The following DMXL2 variants were observed in gnomAD, a reference collection of about 807,000 sequenced individuals.
DMXL2 encodes the protein Dmx like 2, also known as dmX-like protein 2.
A neutral mutation model predicts 331.1 loss-of-function variants in DMXL2; 103 were observed. The observed-to-expected ratio is 0.31, with a 90% CI of 0.27 to 0.37. The LOEUF is 0.37. Ranked by LOEUF, DMXL2 falls within the 10% of genes least tolerant of loss-of-function variation. The probability of loss-of-function intolerance (pLI) is 1.00; values close to 1 mark genes in which losing one functional copy is unlikely to be tolerated. For missense variants in DMXL2, 3,171 were observed against 3,642.9 expected (o/e 0.87, Z 3.33); for synonymous variants, 1,281 against 1,252.1 (o/e 1.02, Z -0.49).
intron 1 of DMXL2, among the ~76,000 whole-genome samples, chr15:51,606,714 A>T (rs2053612581): frequency 1.3e-5 from 2 of 152,234 alleles, no homozygotes; most frequent in African/African-American, 4.8e-5. Context: ...TCTATCACAC[A>T]AGGAAAAAAG....
At chr15:51,606,788 T>G (rs1174967105) in intron 1 of DMXL2, among the ~76,000 whole-genome samples, 1 of 152,116 alleles carries the variant, frequency 6.6e-6, no homozygotes, top group African/African-American at 2.4e-5. Flanking sequence ...TAACAGCAAA[T>G]TAGACATGGC....
chr15:51,503,043 T>C lies in DMXL2; in HGVS notation c.2765-10A>G, dbSNP rs1388876513. 1.3e-6 allele frequency: 2 copies of C among 1,556,308 alleles called. No homozygotes were observed. Among genetic ancestry groups the C allele is most frequent in the South Asian group, 1.2e-5 (1 of 86,678 alleles). ...CCTTCTGAAGCTTTAGCTTTAAAAATAAATTATAAAATTACAAAATGTATG... is the reference window on the plus strand; with the variant it reads ...CCTTCTGAAGCTTTAGCTTTAAAAACAAATTATAAAATTACAAAATGTATG... On this transcript the variant is annotated splice_polypyrimidine_tract_variant and intron_variant, in intron 16 of 43. Coordinates refer to ENST00000560891, the MANE Select transcript of DMXL2 (RefSeq NM_001378457.1).
intron 32 of DMXL2, among the ~76,000 whole-genome samples, 167 bp from the exon 33 acceptor site, chr15:51,463,663 T>G (rs2040319034): frequency 6.6e-6 from 1 of 152,202 alleles, no homozygotes; most frequent in African/African-American, 2.4e-5. Context: ...AACAAAACTG[T>G]ACAGTTTACT....
intron 1 of DMXL2, among the ~76,000 whole-genome samples, chr15:51,578,673 C>T (rs1364505465): frequency 6.6e-6 from 1 of 152,088 alleles, no homozygotes; most frequent in Non-Finnish European, 1.5e-5. Flanking sequence ...AGTATATATA[C>T]AAAAGTTTGC....
intron 6 of DMXL2, 102 bp from the exon 7 acceptor site, chr15:51,547,510 AAT>A (rs767723729): frequency 5.1e-5 from 36 of 709,648 alleles, no homozygotes; most frequent in African/African-American, 9.3e-5. Context: ...TCTAAAAACT[AAT>A]ATGTGACTTA....
chr15:51,526,869 A>G (rs1337350249), intron 13 of DMXL2, among the ~76,000 whole-genome samples: 1 of 152,208 alleles, frequency 6.6e-6, no homozygotes, highest in Non-Finnish European at 1.5e-5. Flanking sequence ...ATAAAAAACA[A>G]CGAAGCACAT....
chr15:51,600,531 C>T (rs980265802), intron 1 of DMXL2, among the ~76,000 whole-genome samples: 2 of 152,182 alleles, frequency 1.3e-5, no homozygotes, highest in African/African-American at 4.8e-5. Flanking sequence ...CTAGGTGGCA[C>T]CCCTCTTCCT....
intron 29 of DMXL2, among the ~76,000 whole-genome samples, chr15:51,468,348 T>C (rs1183502120): frequency 2.6e-5 from 4 of 152,128 alleles, no homozygotes; most frequent in Admixed American, 6.5e-5. Context: ...AGTGGAATAA[T>C]CTCAAAAAGA....
intron 1 of DMXL2, among the ~76,000 whole-genome samples, chr15:51,588,156 T>G (rs1038827122): frequency 7.6e-6 from 1 of 130,924 alleles, no homozygotes; most frequent in Non-Finnish European, 1.7e-5. Context: ...CAATATTGTT[T>G]AGGGGTTTTT....
chr15:51,451,221 A>G (rs1055212861), intron 42 of DMXL2, among the ~76,000 whole-genome samples: 19 of 152,190 alleles, frequency 1.2e-4, no homozygotes, highest in Non-Finnish European at 1.8e-4. Flanking sequence ...TGACCCTAGG[A>G]GCTTGAGACC....
intron 3 of DMXL2, among the ~76,000 whole-genome samples, chr15:51,566,780 C>G (rs983141810): frequency 1.3e-5 from 2 of 152,048 alleles, no homozygotes; most frequent in Non-Finnish European, 2.9e-5. Context: ...ACTCAGCATT[C>G]AGATTTAGCA....
At position 51,466,260 on chromosome 15, in the gene DMXL2, T is replaced by C; in HGVS notation, c.7444A>G (p.Ile2482Val). 1 of 1,564,142 alleles carries C rather than the reference T, an allele frequency of 6.4e-7. No individual in the cohort carries two copies. Among genetic ancestry groups the C allele is most frequent in the Non-Finnish European group, 8.6e-7 (1 of 1,157,152 alleles). The change falls in exon 30 of 44, where the codon ATT becomes GTT. Residue 2482 changes from isoleucine (I) to valine (V), a missense_variant. Transcript: ENST00000560891. ...SGVIYDSDES[I>V]HSDEEDDAFF... ...GCATCATCTTCTTCATCACTATGAA[T>C]GCTTTCATCAGAATCATATATAACA...
chr15:51,539,235 AAAGAG>A (rs955515423), intron 9 of DMXL2, among the ~76,000 whole-genome samples: 3 of 152,084 alleles, frequency 2.0e-5, no homozygotes, highest in Admixed American at 1.3e-4. Flanking sequence ...AGAAAGAAAG[AAAGAG>A]AAAAGAAAAC....
rs200007797 is a variant in DMXL2 at position 51,537,537 on chromosome 15, T to C, written c.1568A>G (p.His523Arg). The C allele has an allele frequency of 6.8e-6, 11 of 1,613,700 alleles. No individual in the cohort carries two copies. The highest frequency in any genetic ancestry group is 7.6e-6 in the Non-Finnish European group (9 of 1,179,826). The part of the protein sequence containing the change: ...HPVDGTFLVW[H>R]VKYLDEYNPG... ...ATTATATTCATCCAAATACTTCACA[T>C]GCCACACTAGAAAGGTACCATCTAC... The change falls in exon 11 of 44, where the codon CAT becomes CGT. Residue 523 changes from histidine (H) to arginine (R), a missense_variant. His to Arg is a conservative substitution (Grantham distance 29, BLOSUM62 0). Coordinates refer to ENST00000560891, the MANE Select transcript of DMXL2 (RefSeq NM_001378457.1).
rs553183824 is a variant in DMXL2 at position 51,459,998 on chromosome 15, A to T, written c.7927-338T>A. 9.1e-6 allele frequency: 9 copies of T among 984,780 alleles called. No homozygotes were observed. In the African/African-American group the frequency reaches 1.4e-4, roughly 15 times the overall value. The allele number at this position is 984,780 out of a possible 1,614,324, so 61.0% of individuals were successfully genotyped here. On this transcript the variant is annotated intron_variant, in intron 33 of 43. Transcript: ENST00000560891. ...CCATTTGTATAAGCAGATGCAGAAG[A>T]TGCTACATAAATTCCTGCCCTATAG...
At chr15:51,622,292 T>G (rs1483957437) in intron 1 of DMXL2, among the ~76,000 whole-genome samples, 167 bp downstream of exon 1, 1 of 152,084 alleles carries the variant, frequency 6.6e-6, no homozygotes, top group East Asian at 1.9e-4. Flanking sequence ...GGACCCACGG[T>G]CCCACGGGTC....
At chr15:51,601,461 A>G (rs2141319028) in intron 1 of DMXL2, among the ~76,000 whole-genome samples, 1 of 152,288 alleles carries the variant, frequency 6.6e-6, no homozygotes, top group South Asian at 2.1e-4. Context: ...GGGGTGAGAT[A>G]GGGACCAAGT....
At chr15:51,516,439 G>A (rs1363240870) in intron 14 of DMXL2, among the ~76,000 whole-genome samples, 1 of 152,132 alleles carries the variant, frequency 6.6e-6, no homozygotes, top group East Asian at 1.9e-4. Context: ...GCCTAACAAG[G>A]CAAACACTCT....
chr15:51,543,861 C>T (rs1373746195), intron 8 of DMXL2, among the ~76,000 whole-genome samples: 2 of 151,980 alleles, frequency 1.3e-5, no homozygotes, highest in Admixed American at 6.6e-5. Context: ...ATTTAACAAA[C>T]ACTTGAAAAG....
Sources: allele counts gnomAD v4.1 joint callset (sites outside exome capture counted in the v4.1 genomes callset), GRCh38; gene constraint gnomAD v4.1.1; transcripts MANE v1.5; gene names NCBI Gene and HGNC (gene_info 2026-07-23, HGNC 2026-07-21).